The following LIN52 variants were observed in gnomAD, a reference collection of about 807,000 sequenced individuals.
LIN52 encodes lin-52 DREAM MuvB core complex component.
In LIN52, 4 loss-of-function variants were observed where a neutral mutation model predicts 18.5. The ratio of observed to expected loss-of-function variants is 0.22; its 90% CI spans 0.11 to 0.49. LIN52 has a LOEUF of 0.49. Ranked by LOEUF, LIN52 falls within the 20% of genes least tolerant of loss-of-function variation. The probability of loss-of-function intolerance (pLI) is 0.97; values close to 1 mark genes in which losing one functional copy is unlikely to be tolerated. For synonymous variants in LIN52, 34 were observed against 45.5 expected, an observed-to-expected ratio of 0.75 and a Z score of 1.02; for missense variants, 102 against 139.5, an observed-to-expected ratio of 0.73 and a Z score of 1.35.
chr14:74,155,093 G>C (rs1243770549), intron 5 of LIN52, among the ~76,000 whole-genome samples: 2 of 152,206 alleles, frequency 1.3e-5, no homozygotes, highest in Non-Finnish European at 2.9e-5. Flanking sequence ...AAGAATCTCT[G>C]CAGTGTATGT....
chr14:74,194,192 C>G (rs938277314), intron 5 of LIN52, among the ~76,000 whole-genome samples: 5 of 152,154 alleles, frequency 3.3e-5, no homozygotes, highest in African/African-American at 1.2e-4. Flanking sequence ...ATCTCGTTAA[C>G]CAGGGTGCCT....
chr14:74,138,792 T>C (rs2061112780), intron 5 of LIN52, among the ~76,000 whole-genome samples: 1 of 150,622 alleles, frequency 6.6e-6, no homozygotes, highest in Non-Finnish European at 1.5e-5. Flanking sequence ...AAAAGGCATC[T>C]TTGAAATGAA....
At chr14:74,182,747 T>G (rs2061323692) in intron 5 of LIN52, among the ~76,000 whole-genome samples, 1 of 152,260 alleles carries the variant, frequency 6.6e-6, no homozygotes, top group East Asian at 1.9e-4. Flanking sequence ...CTCAAAAGCT[T>G]CTTTTGAGAA....
chr14:74,123,300 G>A (rs531163589), intron 5 of LIN52, among the ~76,000 whole-genome samples: 1 of 152,328 alleles, frequency 6.6e-6, no homozygotes, highest in Admixed American at 6.5e-5. Flanking sequence ...GAGCATAAAG[G>A]ATGGGTTCTA....
intron 5 of LIN52, among the ~76,000 whole-genome samples, chr14:74,124,810 CAAAA>C (rs5809648): frequency 3.4e-5 from 2 of 59,442 alleles, no homozygotes; most frequent in Non-Finnish European, 3.1e-5. Flanking sequence ...GACCCTGTCT[CAAAA>C]AAAAAAAAAA....
At chr14:74,171,122 G>A (rs961262552) in intron 5 of LIN52, among the ~76,000 whole-genome samples, 2 of 151,816 alleles carry the variant, frequency 1.3e-5, no homozygotes, top group African/African-American at 4.8e-5. Flanking sequence ...AGTGGCTCAT[G>A]CCTATAATCC....
chr14:74,140,895 A>G (rs1259615077), intron 5 of LIN52, among the ~76,000 whole-genome samples: 1 of 151,474 alleles, frequency 6.6e-6, no homozygotes, highest in Non-Finnish European at 1.5e-5. Flanking sequence ...CAAGTGCCTT[A>G]TTTTTTTTCT....
chr14:74,117,189 C>T (rs1358667908), intron 5 of LIN52, among the ~76,000 whole-genome samples: 2 of 152,102 alleles, frequency 1.3e-5, no homozygotes, highest in Non-Finnish European at 2.9e-5. Context: ...ATCTCATTTC[C>T]CATACTCAGG....
intron 5 of LIN52, among the ~76,000 whole-genome samples, chr14:74,146,690 A>G (rs932296312): frequency 2.0e-5 from 3 of 152,220 alleles, no homozygotes; most frequent in Non-Finnish European, 2.9e-5. Context: ...TAAAAATCAC[A>G]TGGAAATAAT....
chr14:74,098,129 C>T (rs946051502), intron 4 of LIN52, among the ~76,000 whole-genome samples: 2 of 152,090 alleles, frequency 1.3e-5, no homozygotes, highest in Admixed American at 6.6e-5. Context: ...ATACAGTTAA[C>T]GAATAGCTCT....
At chr14:74,166,387 G>T (rs1237978185) in intron 5 of LIN52, among the ~76,000 whole-genome samples, 1 of 151,314 alleles carries the variant, frequency 6.6e-6, no homozygotes, top group East Asian at 1.9e-4. Context: ...GGCTAATTTT[G>T]CATTTTTAGT....
At chr14:74,128,701 G>T (rs2061042278) in intron 5 of LIN52, among the ~76,000 whole-genome samples, 2 of 152,172 alleles carry the variant, frequency 1.3e-5, no homozygotes, top group African/African-American at 4.8e-5. Flanking sequence ...CAGCACTTTG[G>T]GAGGCTGAGA....
chr14:74,091,442 G>T (rs1309663251), intron 2 of LIN52, 136 bp downstream of exon 2: 12 of 590,056 alleles, frequency 2.0e-5, no homozygotes, highest in Non-Finnish European at 2.3e-5. Flanking sequence ...GTGGGGGGTT[G>T]TATACAAACT....
intron 4 of LIN52, among the ~76,000 whole-genome samples, chr14:74,100,127 G>T (rs145109160): frequency 6.6e-6 from 1 of 152,124 alleles, no homozygotes; most frequent in Non-Finnish European, 1.5e-5. Flanking sequence ...ATTATAAGTC[G>T]AAATAATGTG....
At chr14:74,144,116 T>G (rs1429617072) in intron 5 of LIN52, among the ~76,000 whole-genome samples, 2 of 129,956 alleles carry the variant, frequency 1.5e-5, no homozygotes, top group Non-Finnish European at 3.3e-5. Context: ...ATGACAAGGT[T>G]TTATTCTTCA....
intron 5 of LIN52, among the ~76,000 whole-genome samples, chr14:74,163,635 T>A (rs7140458): frequency 0.044 from 6,624 of 152,150 alleles, 476 homozygotes; most frequent in African/African-American, 0.15. Context: ...ACAATTTTTT[T>A]AAAAAATATA....
At chr14:74,154,255 T>A (rs2061188911) in intron 5 of LIN52, among the ~76,000 whole-genome samples, 1 of 152,124 alleles carries the variant, frequency 6.6e-6, no homozygotes, top group African/African-American at 2.4e-5. Flanking sequence ...TTTTAAAGAG[T>A]ACAGTCAGGC....
chr14:74,121,854 G>A (rs2061002079), intron 5 of LIN52, among the ~76,000 whole-genome samples: 1 of 151,844 alleles, frequency 6.6e-6, no homozygotes, highest in Non-Finnish European at 1.5e-5. Context: ...CTCCCGAATA[G>A]CTGGGATTAC....
At chr14:74,154,745 C>G (rs2061192402) in intron 5 of LIN52, among the ~76,000 whole-genome samples, 1 of 152,126 alleles carries the variant, frequency 6.6e-6, no homozygotes, top group Non-Finnish European at 1.5e-5. Context: ...GTCCCTGCAG[C>G]CTAGAAGACG....
Sources: allele counts gnomAD v4.1 joint callset (sites outside exome capture counted in the v4.1 genomes callset), GRCh38; gene constraint gnomAD v4.1.1; transcripts MANE v1.5; gene names NCBI Gene and HGNC (gene_info 2026-07-23, HGNC 2026-07-21).